The following ATP10B variants were observed in gnomAD, a reference collection of about 807,000 sequenced individuals.
ATP10B encodes ATPase phospholipid transporting 10B (putative).
In ATP10B, 122 loss-of-function variants were observed where a neutral mutation model predicts 141.2. The ratio of observed to expected loss-of-function variants is 0.86; its 90% confidence interval spans 0.75 to 1.00. The LOEUF (loss-of-function observed/expected upper bound fraction) is 1.00. Ranked by LOEUF, ATP10B falls within the 50% of genes least tolerant of loss-of-function variation. The probability of loss-of-function intolerance (pLI) is 0.00; values close to 1 mark genes in which losing one functional copy is unlikely to be tolerated. For missense variants in ATP10B, 1,876 were observed against 1,825.3 expected, an observed-to-expected ratio of 1.03 and a Z score of -0.51; for synonymous variants, 685 against 692.0, an observed-to-expected ratio of 0.99 and a Z score of 0.16.
chr5:160,772,070 C>T (rs1017029004), intron 2 of ATP10B, among the ~76,000 whole-genome samples: 3 of 152,342 alleles, frequency 2.0e-5, no homozygotes, highest in South Asian at 2.1e-4. Flanking sequence ...TTATGAGTAG[C>T]GCTGCAGTGA....
At position 160,838,383 on chromosome 5, in the gene ATP10B, C is replaced by T. The variant is rs1008883768; in HGVS notation, c.-576+13558G>A. On this transcript the variant is annotated intron_variant, in intron 1 of 25. Coordinates refer to ENST00000327245, the MANE Select transcript of ATP10B (RefSeq NM_025153.3). ...TAGAGAAAAACTTTCACAGACAGGC[C>T]TGTCATCTGGTTATCAGGCAGGGCC... Among the ~76,000 whole-genome samples the T allele has an allele frequency of 2.6e-5, 4 of 152,138 alleles. No individual in the cohort carries two copies. In the South Asian group the frequency reaches 8.3e-4, roughly 32 times the overall value.
chr5:160,703,477 ATT>A (rs996110219), intron 3 of ATP10B, among the ~76,000 whole-genome samples: 2 of 70,276 alleles, frequency 2.8e-5, no homozygotes, highest in African/African-American at 1.2e-4. Flanking sequence ...TCTTGATGAT[ATT>A]TGTTTTTTTT....
chr5:160,681,285 C>T (rs6880270), intron 6 of ATP10B, among the ~76,000 whole-genome samples: 132,276 of 152,290 alleles, frequency 0.87, 57,628 homozygotes, highest in African/African-American at 0.91. Context: ...TTCTGTTCTT[C>T]CTCAGTCCAT....
intron 2 of ATP10B, among the ~76,000 whole-genome samples, chr5:160,743,942 T>C (rs970057955): frequency 2.4e-4 from 37 of 152,046 alleles, no homozygotes; most frequent in African/African-American, 8.5e-4. Flanking sequence ...CAGGGCAAGC[T>C]CCCACAACAA....
chr5:160,879,939 G>C, the ATP10B span, among the ~76,000 whole-genome samples: 1 of 151,944 alleles, frequency 6.6e-6, no homozygotes, highest in Non-Finnish European at 1.5e-5. Flanking sequence ...CAATTGCTTT[G>C]TATATACCAA....
intron 2 of ATP10B, among the ~76,000 whole-genome samples, chr5:160,778,732 C>A (rs568014862): frequency 1.3e-5 from 2 of 152,286 alleles, no homozygotes; most frequent in African/African-American, 2.4e-5. Flanking sequence ...AGGGCATATT[C>A]TGAAAAGTTA....
At chr5:160,688,221 T>A in intron 4 of ATP10B, 127 bp from the exon 5 acceptor site, 1 of 979,974 alleles carries the variant, frequency 1.0e-6, no homozygotes, top group Non-Finnish European at 1.5e-6. Context: ...ACCTACTTCC[T>A]TGTAACTAAA....
chr5:160,803,213 G>T (rs1180711336), intron 1 of ATP10B, among the ~76,000 whole-genome samples: 2 of 152,104 alleles, frequency 1.3e-5, no homozygotes, highest in South Asian at 2.1e-4. Context: ...AACTGTTTAG[G>T]TTGTGCTATA....
At chr5:160,819,369 A>T (rs573087099) in intron 1 of ATP10B, among the ~76,000 whole-genome samples, 1 of 152,308 alleles carries the variant, frequency 6.6e-6, no homozygotes, top group South Asian at 2.1e-4. Context: ...AGTCTTTCTC[A>T]GAGAAACAAA....
intron 2 of ATP10B, among the ~76,000 whole-genome samples, chr5:160,770,391 C>T (rs928640288): frequency 3.3e-5 from 5 of 151,668 alleles, no homozygotes; most frequent in African/African-American, 1.2e-4. Context: ...TTGCAAATAT[C>T]TGAGCACGAG....
At chr5:160,922,981 G>A in the ATP10B span, among the ~76,000 whole-genome samples, 2 of 152,320 alleles carry the variant, frequency 1.3e-5, no homozygotes, top group South Asian at 4.1e-4. Context: ...ATTTTCAGAG[G>A]TAAGCACAAG....
chr5:160,849,241 G>A (rs1390538950), intron 1 of ATP10B, among the ~76,000 whole-genome samples: 1 of 152,148 alleles, frequency 6.6e-6, no homozygotes, highest in East Asian at 1.9e-4. Flanking sequence ...TTAAGCAGAT[G>A]AGGCAAAGAA....
chr5:160,677,507 T>G (rs1763103259), intron 6 of ATP10B, among the ~76,000 whole-genome samples: 1 of 152,222 alleles, frequency 6.6e-6, no homozygotes, highest in African/African-American at 2.4e-5. Context: ...GCCCATTTTG[T>G]TATATTATTA....
intron 3 of ATP10B, among the ~76,000 whole-genome samples, chr5:160,716,509 C>T (rs1334918050): frequency 6.6e-6 from 1 of 152,118 alleles, no homozygotes; most frequent in Non-Finnish European, 1.5e-5. Context: ...AGAATTGGTG[C>T]TTTAACACTA....
rs915789982 is a variant in ATP10B at position 160,807,047 on chromosome 5, T to A, written c.-575-21244A>T. On this transcript the variant is annotated intron_variant, in intron 1 of 25. Transcript: ENST00000327245. ...ACAGCTCAACCCAGTAAAGAGAGAA[T>A]CTAGCAATAAATTAGAACCATGGTA... Among the ~76,000 whole-genome samples, 4 of 152,040 alleles carry A rather than the reference T, an allele frequency of 2.6e-5. No homozygotes were observed. The South Asian group carries it at 8.3e-4, about 32-fold the overall frequency.
At chr5:160,838,386 T>C (rs1209055497) in intron 1 of ATP10B, among the ~76,000 whole-genome samples, 1 of 152,174 alleles carries the variant, frequency 6.6e-6, no homozygotes, top group African/African-American at 2.4e-5. Flanking sequence ...GACAGGCCTG[T>C]CATCTGGTTA....
At chr5:160,691,714 CTCA>C (rs1234459863) in intron 3 of ATP10B, 1 of 152,090 alleles carries the variant, frequency 6.6e-6, no homozygotes, top group African/African-American at 2.4e-5. Flanking sequence ...TGATCTGACC[CTCA>C]TCATAATTCT....
At chr5:160,775,675 G>GT (rs1770247109) in intron 2 of ATP10B, among the ~76,000 whole-genome samples, 2 of 124,942 alleles carry the variant, frequency 1.6e-5, no homozygotes, top group African/African-American at 5.7e-5. Context: ...GCAAGTTTCA[G>GT]ATTTTTTTTT....
intron 7 of ATP10B, among the ~76,000 whole-genome samples, chr5:160,661,023 C>T (rs919348481): frequency 2.6e-5 from 4 of 152,108 alleles, no homozygotes; most frequent in Admixed American, 6.6e-5. Flanking sequence ...CCCATCTCTA[C>T]TAAAAATACA....
Sources: gnomAD v4.1 joint callset for allele counts (sites outside exome capture counted in the v4.1 genomes callset) on GRCh38, gnomAD v4.1.1 for gene constraint, MANE v1.5 for transcripts, NCBI Gene and HGNC (gene_info 2026-07-23, HGNC 2026-07-21) for gene names.